PCDH15: variants seen among roughly 807,000 people sequenced by gnomAD.
PCDH15 encodes protocadherin-15.
Under a neutral mutation model 178.5 loss-of-function variants are expected in PCDH15, and 129 were observed. The observed-to-expected ratio is 0.72, with a 90% CI of 0.63 to 0.84. PCDH15 has a LOEUF of 0.84. PCDH15 is among the 40% of genes least tolerant of loss of function. PCDH15 has a pLI of 0.00. For synonymous variants in PCDH15, 800 were observed against 732.0 expected (o/e 1.09, Z -1.50); for missense variants, 2,230 against 2,099.9 (o/e 1.06, Z -1.21).
chr10:54,650,711 A>T (rs919695056), intron 2 of PCDH15, among the ~76,000 whole-genome samples: 3 of 152,100 alleles, frequency 2.0e-5, no homozygotes, highest in African/African-American at 7.2e-5. Flanking sequence ...GACATCTTCC[A>T]TGGCAGCAGA....
intron 16 of PCDH15, among the ~76,000 whole-genome samples, chr10:54,084,537 G>A (rs999931832): frequency 3.9e-5 from 6 of 152,076 alleles, no homozygotes; most frequent in African/African-American, 1.2e-4. Flanking sequence ...GGGAGGCTGA[G>A]GTGGGAGGAT....
intron 23 of PCDH15, among the ~76,000 whole-genome samples, chr10:53,952,316 A>G (rs1490563784): frequency 6.6e-6 from 1 of 152,180 alleles, no homozygotes; most frequent in African/African-American, 2.4e-5. Flanking sequence ...TGCTTCATTG[A>G]GCAACAGTAC....
intron 28 of PCDH15, among the ~76,000 whole-genome samples, chr10:53,842,420 A>AT (rs1046482884): frequency 2.0e-5 from 3 of 151,864 alleles, no homozygotes; most frequent in African/African-American, 7.3e-5. Flanking sequence ...TAATTTTTGT[A>AT]TTTTTTAGTA....
At chr10:55,068,233 G>A (rs1841618369) in intron 2 of PCDH15, among the ~76,000 whole-genome samples, 2 of 151,956 alleles carry the variant, frequency 1.3e-5, no homozygotes, top group African/African-American at 2.4e-5. Flanking sequence ...TATAGTTTCA[G>A]ATCTTATGTT....
chr10:54,856,100 ATGAT>A (rs1284981420), intron 3 of PCDH15, among the ~76,000 whole-genome samples: 1 of 152,204 alleles, frequency 6.6e-6, no homozygotes, highest in Non-Finnish European at 1.5e-5. Flanking sequence ...TTTAAATAGT[ATGAT>A]TGTAAGAAAT....
At chr10:54,669,248 G>C (rs2135482243) in intron 1 of PCDH15, among the ~76,000 whole-genome samples, 1 of 151,900 alleles carries the variant, frequency 6.6e-6, no homozygotes, top group East Asian at 1.9e-4. Flanking sequence ...TTTTTAAAAT[G>C]TGTAATATGA....
At chr10:54,274,616 T>TTGTGTGTGTG (rs3069673) in intron 8 of PCDH15, among the ~76,000 whole-genome samples, 86 of 144,748 alleles carry the variant, frequency 5.9e-4, no homozygotes, top group African/African-American at 1.1e-3. Flanking sequence ...CTCAGTTTAA[T>TTGTGTGTGTG]TGTGTGTGTG....
intron 3 of PCDH15, among the ~76,000 whole-genome samples, chr10:54,492,781 C>T (rs1337116605): frequency 6.6e-6 from 1 of 152,106 alleles, no homozygotes; most frequent in Non-Finnish European, 1.5e-5. Context: ...GGTTGTTAAT[C>T]TCTTACTGCC....
chr10:55,414,429 T>G (rs1838424335), intron 2 of PCDH15, among the ~76,000 whole-genome samples: 1 of 151,626 alleles, frequency 6.6e-6, no homozygotes. Flanking sequence ...TTGAAAGGAA[T>G]TGCATTAAAT....
intron 3 of PCDH15, among the ~76,000 whole-genome samples, chr10:54,421,705 C>CT (rs1204845544): frequency 1.2e-4 from 14 of 120,640 alleles, no homozygotes; most frequent in African/African-American, 4.2e-4. Context: ...CACACACACA[C>CT]ACACACTATA....
chr10:54,008,024 C>T (rs117435796), intron 20 of PCDH15, among the ~76,000 whole-genome samples: 2,436 of 152,100 alleles, frequency 0.016, 28 homozygotes, highest in Non-Finnish European at 0.025. Context: ...ATTTTATGGG[C>T]CTCAGTAGTA....
At chr10:54,411,289 C>T (rs1263456016) in intron 3 of PCDH15, among the ~76,000 whole-genome samples, 3 of 151,984 alleles carry the variant, frequency 2.0e-5, no homozygotes, top group African/African-American at 7.2e-5. Flanking sequence ...AGGCCACTTC[C>T]CAAAATTTGT....
intron 1 of PCDH15, among the ~76,000 whole-genome samples, chr10:54,757,335 C>T (rs1182016520): frequency 1.9e-4 from 5 of 26,924 alleles, no homozygotes; most frequent in East Asian, 1.2e-3. Flanking sequence ...CAGGCTGGAG[C>T]GCAGTGGCGC....
chr10:55,168,006 C>T (rs2132120094), intron 1 of PCDH15, among the ~76,000 whole-genome samples: 1 of 152,002 alleles, frequency 6.6e-6, no homozygotes, highest in South Asian at 2.1e-4. Flanking sequence ...GAAATGCATA[C>T]AAGTCAATTT....
intron 2 of PCDH15, among the ~76,000 whole-genome samples, chr10:55,498,128 C>A (rs563719105): frequency 6.6e-6 from 1 of 151,842 alleles, no homozygotes; most frequent in Admixed American, 6.6e-5. Flanking sequence ...TTATCTCCAC[C>A]AAAATGTTTC....
chr10:55,539,313 G>C (rs1211972728), intron 2 of PCDH15, among the ~76,000 whole-genome samples: 1 of 151,736 alleles, frequency 6.6e-6, no homozygotes, highest in Non-Finnish European at 1.5e-5. Context: ...AATAATTATG[G>C]TATTTACATT....
intron 2 of PCDH15, among the ~76,000 whole-genome samples, chr10:55,416,709 G>T (rs1838492586): frequency 6.6e-6 from 1 of 151,736 alleles, no homozygotes; most frequent in African/African-American, 2.4e-5. Flanking sequence ...CTGGGTTAAA[G>T]TTAACCCTGG....
intron 3 of PCDH15, among the ~76,000 whole-genome samples, chr10:54,811,819 C>T (rs1952868904): frequency 6.6e-6 from 1 of 152,156 alleles, no homozygotes; most frequent in Non-Finnish European, 1.5e-5. Flanking sequence ...CTCTTAGAAT[C>T]ATCTCAGTAA....
intron 3 of PCDH15, among the ~76,000 whole-genome samples, chr10:54,885,553 A>C (rs559521903): frequency 2.3e-4 from 35 of 152,220 alleles, no homozygotes; most frequent in African/African-American, 7.7e-4. Context: ...AATTTCAAAA[A>C]GGTCATCCCC....
Sources: gnomAD v4.1 joint callset for allele counts (sites outside exome capture counted in the v4.1 genomes callset) on GRCh38, gnomAD v4.1.1 for gene constraint, MANE v1.5 for transcripts, NCBI Gene and HGNC (gene_info 2026-07-23, HGNC 2026-07-21) for gene names.